The following PPARGC1A variants were observed in gnomAD, a reference collection of about 807,000 sequenced individuals.
The protein encoded by PPARGC1A is PPARG coactivator 1 alpha, also known as peroxisome proliferator-activated receptor gamma coactivator 1-alpha.
A neutral mutation model predicts 88.7 loss-of-function variants in PPARGC1A; 25 were observed. That is an observed-to-expected ratio of 0.28 (90% CI 0.21 to 0.39). The LOEUF is 0.39. Among genes scored for constraint, PPARGC1A ranks in the 10% least tolerant of loss-of-function variants. PPARGC1A has a pLI of 1.00. For missense variants in PPARGC1A, 880 were observed against 968.7 expected, an observed-to-expected ratio of 0.91 and a Z score of 1.22; for synonymous variants, 363 against 355.6, an observed-to-expected ratio of 1.02 and a Z score of -0.24.
chr4:24,303,028 C>G, the PPARGC1A span, among the ~76,000 whole-genome samples: 2 of 152,154 alleles, frequency 1.3e-5, no homozygotes, highest in Non-Finnish European at 1.5e-5. Flanking sequence ...TATCCCTTCC[C>G]CTGACATAAA....
the PPARGC1A span, among the ~76,000 whole-genome samples, chr4:24,441,589 G>T: frequency 6.6e-6 from 1 of 152,120 alleles, no homozygotes. Flanking sequence ...TCCTGTTGCT[G>T]CCCCAGCCCA....
At chr4:23,988,911 AT>A in the PPARGC1A span, among the ~76,000 whole-genome samples, 2 of 147,538 alleles carry the variant, frequency 1.4e-5, no homozygotes, top group African/African-American at 2.5e-5. Flanking sequence ...AATAGATATT[AT>A]TATATAATAT....
chr4:24,085,441 G>A, the PPARGC1A span, among the ~76,000 whole-genome samples: 3 of 152,108 alleles, frequency 2.0e-5, no homozygotes, highest in South Asian at 4.2e-4. Flanking sequence ...GAGAAATAAG[G>A]GACTTGATTG....
At chr4:24,128,579 T>TGTGTGC in the PPARGC1A span, among the ~76,000 whole-genome samples, 7 of 135,576 alleles carry the variant, frequency 5.2e-5, no homozygotes, top group South Asian at 2.3e-4. Flanking sequence ...TGTGTGTGTG[T>TGTGTGC]GCACGCGCAT....
the PPARGC1A span, among the ~76,000 whole-genome samples, chr4:24,339,183 G>T: frequency 7.2e-6 from 1 of 138,502 alleles, no homozygotes; most frequent in Non-Finnish European, 1.5e-5. Flanking sequence ...CTGTCTTCAA[G>T]GTTCATCCAT....
chr4:24,148,002 G>A, the PPARGC1A span, among the ~76,000 whole-genome samples: 2 of 152,072 alleles, frequency 1.3e-5, no homozygotes, highest in Non-Finnish European at 2.9e-5. Context: ...AAATGAGGTA[G>A]AGTATGGCTT....
chr4:24,268,455 G>A, the PPARGC1A span, among the ~76,000 whole-genome samples: 1 of 152,164 alleles, frequency 6.6e-6, no homozygotes, highest in Admixed American at 6.5e-5. Flanking sequence ...AGATCAGCCA[G>A]CAAACCCCCT....
At position 23,812,815 on chromosome 4, in the gene PPARGC1A, G is replaced by A. The variant is rs143103266; in HGVS notation, c.1951C>T (p.Arg651Cys). The change falls in exon 10 of 13, where the codon CGC becomes TGC. Residue 651 changes from arginine (R) to cysteine (C), a missense_variant. By Grantham distance (180) the Arg-to-Cys change is radical (BLOSUM62 -3). Coordinates refer to ENST00000264867, the MANE Select transcript of PPARGC1A (RefSeq NM_013261.5). ...GACTCTCGCTTCTCATACTCTCTGCGATATTCTTCCCTCTTCAGCCTCTCG... is the reference window on the plus strand; with the variant it reads ...GACTCTCGCTTCTCATACTCTCTGCAATATTCTTCCCTCTTCAGCCTCTCG... ...QHERLKREEY[R>C]REYEKRESER... The A allele has an allele frequency of 1.5e-5, 25 of 1,613,806 alleles. No homozygotes were observed. The highest frequency in any genetic ancestry group is 2.2e-5 in the East Asian group (1 of 44,876).
chr4:24,312,247 A>C, the PPARGC1A span, among the ~76,000 whole-genome samples: 2 of 152,204 alleles, frequency 1.3e-5, no homozygotes, highest in Non-Finnish European at 2.9e-5. Flanking sequence ...CAGTTTACCT[A>C]AACTTCTCCC....
chr4:24,378,512 C>T, the PPARGC1A span, among the ~76,000 whole-genome samples: 1 of 152,044 alleles, frequency 6.6e-6, no homozygotes, highest in African/African-American at 2.4e-5. Flanking sequence ...AACCACACTG[C>T]CTTTGACTGT....
the PPARGC1A span, among the ~76,000 whole-genome samples, chr4:24,332,967 C>T: frequency 4.6e-5 from 7 of 152,286 alleles, no homozygotes; most frequent in South Asian, 1.2e-3. Context: ...AGAGGCCAGG[C>T]GTTGTGGCTC....
intron 2 of PPARGC1A, among the ~76,000 whole-genome samples, chr4:23,867,158 G>A (rs964824864): frequency 3.3e-5 from 5 of 151,948 alleles, no homozygotes; most frequent in South Asian, 2.1e-4. Flanking sequence ...CCCTTTTCAC[G>A]GACATTTTTA....
the PPARGC1A span, among the ~76,000 whole-genome samples, chr4:24,008,479 G>A: frequency 6.6e-6 from 1 of 152,104 alleles, no homozygotes; most frequent in Non-Finnish European, 1.5e-5. Context: ...AACTAATAAA[G>A]TCTCAGTGTA....
the PPARGC1A span, among the ~76,000 whole-genome samples, chr4:24,288,447 A>G: frequency 8.5e-5 from 13 of 152,200 alleles, no homozygotes; most frequent in Non-Finnish European, 1.6e-4. Flanking sequence ...CCAATTATCA[A>G]CTAAGGGGCA....
chr4:23,903,926 A>G, upstream of PPARGC1A: 6 of 651,302 alleles, frequency 9.2e-6, no homozygotes, highest in Non-Finnish European at 1.1e-5. Context: ...CACCAGAAAT[A>G]AAACAAAACC....
At chr4:23,922,997 TC>T in the PPARGC1A span, among the ~76,000 whole-genome samples, 1 of 152,210 alleles carries the variant, frequency 6.6e-6, no homozygotes, top group African/African-American at 2.4e-5. Flanking sequence ...TCTTGACTTT[TC>T]CCCAGGAGCT....
At chr4:24,100,866 T>G in the PPARGC1A span, among the ~76,000 whole-genome samples, 1 of 152,152 alleles carries the variant, frequency 6.6e-6, no homozygotes, top group African/African-American at 2.4e-5. Flanking sequence ...AATTCATACT[T>G]TCTAGCTTCT....
the PPARGC1A span, among the ~76,000 whole-genome samples, chr4:23,912,758 C>T: frequency 6.6e-6 from 1 of 151,640 alleles, no homozygotes; most frequent in Admixed American, 6.6e-5. Flanking sequence ...CCAATTGTAG[C>T]CTTGCCAGCC....
the PPARGC1A span, among the ~76,000 whole-genome samples, chr4:24,059,070 C>A: frequency 6.6e-6 from 1 of 152,068 alleles, no homozygotes. Context: ...CCAATGAAAC[C>A]CATCAAAAGA....
Sources: allele counts gnomAD v4.1 joint callset (sites outside exome capture counted in the v4.1 genomes callset), GRCh38; gene constraint gnomAD v4.1.1; transcripts MANE v1.5; gene names NCBI Gene and HGNC (gene_info 2026-07-23, HGNC 2026-07-21).